RBFOX2: variants seen among roughly 807,000 people sequenced by gnomAD.
The protein encoded by RBFOX2 is RNA binding fox-1 homolog 2.
A neutral mutation model predicts 49.1 loss-of-function variants in RBFOX2; 10 were observed. The ratio of observed to expected loss-of-function variants is 0.20; its 90% CI spans 0.13 to 0.35. RBFOX2 has a LOEUF of 0.35. Ranked by LOEUF, RBFOX2 falls within the 10% of genes least tolerant of loss-of-function variation. The probability of loss-of-function intolerance (pLI) is 1.00; values close to 1 mark genes in which losing one functional copy is unlikely to be tolerated. For missense variants in RBFOX2, 323 were observed against 486.9 expected, an observed-to-expected ratio of 0.66 and a Z score of 3.17; for synonymous variants, 183 against 187.4, an observed-to-expected ratio of 0.98 and a Z score of 0.19.
chr22:35,862,384 G>C (rs990402777), intron 1 of RBFOX2, among the ~76,000 whole-genome samples: 18 of 149,924 alleles, frequency 1.2e-4, no homozygotes, highest in Non-Finnish European at 2.4e-4. Flanking sequence ...TGGAGGGGGG[G>C]GGGAATGATA....
At chr22:35,811,379 G>A (rs1951834926) in intron 1 of RBFOX2, among the ~76,000 whole-genome samples, 1 of 152,096 alleles carries the variant, frequency 6.6e-6, no homozygotes, top group African/African-American at 2.4e-5. Context: ...TCCAATTGGA[G>A]TGGTGTCCTT....
chr22:35,933,953 T>TATATATATAC lies in RBFOX2; in HGVS notation c.-34+4893_-34+4894insGTATATATAT, dbSNP rs1009021083. ...ATATATATATATATATATATATATA[T>TATATATATAC]ACACACATCAATGAAATAAATTAGA... On this transcript the variant is annotated intron_variant, in intron 1 of 13. Coordinates refer to the RBFOX2 transcript ENST00000359369. Among the ~76,000 whole-genome samples the TATATATATAC allele has an allele frequency of 4.7e-3, 663 of 141,030 alleles. 6 individuals are homozygous for TATATATATAC. The highest frequency in any genetic ancestry group is 8.1e-3 in the African/African-American group (289 of 35,758). The allele number at this position is 141,030 out of a possible 152,430, so 92.5% of individuals were successfully genotyped here.
At chr22:35,792,037 C>T (rs933106498) in intron 2 of RBFOX2, among the ~76,000 whole-genome samples, 2 of 151,978 alleles carry the variant, frequency 1.3e-5, no homozygotes, top group African/African-American at 4.8e-5. Context: ...GCAACTATTG[C>T]TGGGTGTGGA....
intron 11 of RBFOX2, among the ~76,000 whole-genome samples, chr22:35,744,841 C>A (rs1483965345): frequency 6.6e-6 from 1 of 152,190 alleles, no homozygotes; most frequent in African/African-American, 2.4e-5. Flanking sequence ...GGGGTTTTAA[C>A]TAGGCTTTAT....
exon 1 of RBFOX2, among the ~76,000 whole-genome samples, chr22:36,028,688 C>T (rs1249531447): frequency 1.3e-5 from 2 of 150,756 alleles, no homozygotes; most frequent in South Asian, 2.1e-4. Context: ...CTCGCTCGCG[C>T]CCCCGCACGC....
Position 35,929,792 on chromosome 22 carries a change from G to C in RBFOX2, c.-34+9055C>G, listed in dbSNP as rs148460873. Among the ~76,000 whole-genome samples the C allele has an allele frequency of 1.2e-3, 182 of 152,072 alleles. 2 individuals are homozygous for C. The highest frequency in any genetic ancestry group is 4.2e-3 in the African/African-American group (175 of 41,486). On this transcript the variant is annotated intron_variant, in intron 1 of 13. Coordinates refer to the RBFOX2 transcript ENST00000359369. Reference sequence around the variant, plus strand: ...GAGCTACCGTGTCCAGCACAAAAGAGGCAATTTTATAAAGTCAGAAAGCAG... The same window carrying C: ...GAGCTACCGTGTCCAGCACAAAAGACGCAATTTTATAAAGTCAGAAAGCAG...
In RBFOX2 at chr22:35,907,330, GT is replaced by G. The variant is rs1363268662; in HGVS notation, c.-34+31516del. On this transcript the variant is annotated intron_variant, in intron 1 of 13. Transcript: ENST00000359369. ...AAATGTTACATGGAACTTCCTGGAA[GT>G]TTTCTTAGGTAGGGGAGGGGACACC... Among the ~76,000 whole-genome samples the G allele has an allele frequency of 2.6e-5, 4 of 152,344 alleles. No individual in the cohort carries two copies. In the East Asian group the frequency reaches 7.7e-4, roughly 29 times the overall value.
At chr22:36,015,328 C>A (rs934350112) in intron 1 of RBFOX2, among the ~76,000 whole-genome samples, 1 of 152,194 alleles carries the variant, frequency 6.6e-6, no homozygotes, top group African/African-American at 2.4e-5. Context: ...TAGCAGTACT[C>A]TGCATTCTTT....
intron 1 of RBFOX2, among the ~76,000 whole-genome samples, chr22:35,923,559 G>C (rs1175009867): frequency 1.3e-5 from 2 of 152,002 alleles, no homozygotes; most frequent in African/African-American, 4.8e-5. Flanking sequence ...TTTTCTAGGA[G>C]GACCATTCCA....
At chr22:35,974,955 T>A (rs1387417302) in intron 1 of RBFOX2, among the ~76,000 whole-genome samples, 1 of 152,174 alleles carries the variant, frequency 6.6e-6, no homozygotes, top group Non-Finnish European at 1.5e-5. Context: ...TTCATCCTGA[T>A]CAGTCTCTCG....
chr22:35,794,825 G>A (rs956389735), intron 2 of RBFOX2, among the ~76,000 whole-genome samples: 3 of 152,158 alleles, frequency 2.0e-5, no homozygotes, highest in African/African-American at 7.2e-5. Context: ...TGTGAGAGCA[G>A]TAAGGGGCAG....
chr22:35,810,735 CTTAT>C (rs893108928), intron 1 of RBFOX2, among the ~76,000 whole-genome samples: 1 of 152,148 alleles, frequency 6.6e-6, no homozygotes, highest in African/African-American at 2.4e-5. Context: ...ATAAACAGCA[CTTAT>C]TTATTTACAG....
chr22:36,007,273 T>C (rs189830277), intron 1 of RBFOX2, among the ~76,000 whole-genome samples: 19 of 151,448 alleles, frequency 1.3e-4, no homozygotes, highest in African/African-American at 4.1e-4. Context: ...TAAATATATA[T>C]AATATAAATA....
intron 9 of RBFOX2, among the ~76,000 whole-genome samples, chr22:35,751,604 TA>T (rs1264845931): frequency 6.6e-6 from 1 of 152,178 alleles, no homozygotes; most frequent in Admixed American, 6.5e-5. Flanking sequence ...TTCTAGGAGA[TA>T]TTATAGAGTT....
At chr22:35,927,771 C>T (rs1052250701) in intron 1 of RBFOX2, among the ~76,000 whole-genome samples, 13 of 152,106 alleles carry the variant, frequency 8.5e-5, no homozygotes, top group Admixed American at 3.9e-4. Flanking sequence ...CCCTCTTATA[C>T]GCATGCTGCC....
chr22:35,817,532 G>C (rs571355976), intron 1 of RBFOX2, among the ~76,000 whole-genome samples: 188 of 152,120 alleles, frequency 1.2e-3, no homozygotes, highest in African/African-American at 4.3e-3. Context: ...TAGATGATGA[G>C]AGGAAGGCAA....
chr22:35,792,277 C>A (rs1300739465), intron 2 of RBFOX2, among the ~76,000 whole-genome samples: 2 of 138,190 alleles, frequency 1.4e-5, no homozygotes, highest in Non-Finnish European at 3.0e-5. Flanking sequence ...GATTATGCCA[C>A]TGCAGTCCAG....
At chr22:35,978,693 TGAG>T (rs2057315229) in intron 1 of RBFOX2, among the ~76,000 whole-genome samples, 1 of 152,128 alleles carries the variant, frequency 6.6e-6, no homozygotes, top group East Asian at 1.9e-4. Context: ...CCCTCAAGCT[TGAG>T]GAGTATAATT....
At chr22:35,744,041 TAGTG>T (rs1569197810) in exon 12 of RBFOX2, 2 of 493,608 alleles carry the variant, frequency 4.1e-6, no homozygotes, top group African/African-American at 4.0e-5. Context: ...TCAAAGAACA[TAGTG>T]AGGTATAAAA....
Sources: allele counts gnomAD v4.1 joint callset (sites outside exome capture counted in the v4.1 genomes callset), GRCh38; gene constraint gnomAD v4.1.1; transcripts MANE v1.5; gene names NCBI Gene and HGNC (gene_info 2026-07-23, HGNC 2026-07-21).